NAP1L4: variants seen among roughly 807,000 people sequenced by gnomAD.
The protein encoded by NAP1L4 is nucleosome assembly protein 1 like 4.
NAP1L4 carries 15 observed loss-of-function variants against 58.2 expected under a neutral mutation model. The observed-to-expected ratio is 0.26, with a 90% confidence interval of 0.17 to 0.40. NAP1L4 has a LOEUF of 0.40. Ranked by LOEUF, NAP1L4 falls within the 10% of genes least tolerant of loss-of-function variation. The probability of loss-of-function intolerance (pLI) is 1.00; values close to 1 mark genes in which losing one functional copy is unlikely to be tolerated. For missense variants in NAP1L4, 384 were observed against 451.1 expected (o/e 0.85, Z 1.35); for synonymous variants, 171 against 155.6 (o/e 1.10, Z -0.74).
rs1246067357 is a variant in NAP1L4 at position 2,959,652 on chromosome 11, A to G, written c.746+118T>C. The stretch of plus-strand genomic sequence containing the variant: ...TGAAATATACATCTACCAGGCTTTT[A>G]GGCTTTTAAGCAGACTCAAGACTGT... On this transcript the variant is annotated intron_variant, in intron 9 of 15. Transcript: ENST00000380542. The surrounding 1 kb of genome is among the most constrained non-coding windows in gnomAD (Gnocchi z 4.9). The G allele has an allele frequency of 1.7e-6, 2 of 1,202,426 alleles. No homozygotes were observed. The highest frequency in any genetic ancestry group is 4.9e-5 in the East Asian group (2 of 41,068). 74.5% of individuals were successfully genotyped at this position (1,202,426 alleles called of 1,614,324 possible). A position where few individuals can be genotyped will look rare whatever the true frequency, so the allele number is the denominator to read the frequency against.
chr11:2,952,027 T>C (rs998995985), intron 12 of NAP1L4: 22 of 615,706 alleles, frequency 3.6e-5, no homozygotes, highest in Admixed American at 1.1e-4. Flanking sequence ...AAACAAGGAA[T>C]AGGATAGGAA....
At chr11:2,965,276 G>A (rs1443870158) in intron 7 of NAP1L4, among the ~76,000 whole-genome samples, 3 of 152,212 alleles carry the variant, frequency 2.0e-5, no homozygotes, top group Non-Finnish European at 2.9e-5. Context: ...TAGGCAATTC[G>A]GCGTGTGTTC....
Position 2,951,845 on chromosome 11 carries a change from A to T in NAP1L4, c.1036-36T>A. On this transcript the variant is annotated intron_variant, in intron 12 of 15. Transcript: ENST00000380542. This position sits in a 1 kb window ranked among gnomAD's most constrained non-coding sequence, Gnocchi z 4.0. ...ACAGAAAAACATTTTTAGGTTTACA[A>T]AACATGACAGCAGCCTGCCCAAGAC... The T allele has an allele frequency of 6.2e-7, 1 of 1,607,034 alleles. No individual in the cohort carries two copies.
chr11:2,953,292 C>CTTT (rs1846341420), intron 12 of NAP1L4, among the ~76,000 whole-genome samples: 1 of 152,266 alleles, frequency 6.6e-6, no homozygotes, highest in Non-Finnish European at 1.5e-5. Context: ...CATGCATATT[C>CTTT]AAGTCCTTTA....
At chr11:2,981,499 A>G (rs1475152202) in intron 1 of NAP1L4, among the ~76,000 whole-genome samples, 1 of 151,066 alleles carries the variant, frequency 6.6e-6, no homozygotes, top group African/African-American at 2.4e-5. Flanking sequence ...CACAGCAGCA[A>G]CCCAAACCCA....
chr11:2,980,742 T>C (rs1208161928), intron 1 of NAP1L4, among the ~76,000 whole-genome samples: 3 of 152,142 alleles, frequency 2.0e-5, no homozygotes, highest in Admixed American at 6.6e-5. Context: ...AAAAAACCCC[T>C]CTATATTTAA....
intron 7 of NAP1L4, among the ~76,000 whole-genome samples, chr11:2,966,989 C>A (rs931498069): frequency 6.6e-6 from 1 of 152,222 alleles, no homozygotes; most frequent in Non-Finnish European, 1.5e-5. Flanking sequence ...CTGGAGGCAT[C>A]GCACTCAGAT....
intron 1 of NAP1L4, among the ~76,000 whole-genome samples, chr11:2,985,815 G>C (rs1848583310): frequency 6.6e-6 from 1 of 152,152 alleles, no homozygotes; most frequent in South Asian, 2.1e-4. Flanking sequence ...CTTTAACTGT[G>C]TCTACAATTC....
intron 10 of NAP1L4, among the ~76,000 whole-genome samples, chr11:2,957,028 GTTAATT>G (rs1564975778): frequency 6.6e-6 from 1 of 151,668 alleles, no homozygotes; most frequent in Non-Finnish European, 1.5e-5. Context: ...CTTTCAGTAC[GTTAATT>G]TTAGAGTTGT....
At chr11:2,988,331 C>T (rs924849101) in intron 1 of NAP1L4, among the ~76,000 whole-genome samples, 1 of 152,214 alleles carries the variant, frequency 6.6e-6, no homozygotes, top group Non-Finnish European at 1.5e-5. Flanking sequence ...CAATAAGGCA[C>T]TTCCCTCTCT....
At position 2,945,559 on chromosome 11, in the gene NAP1L4, C is replaced by G; in HGVS notation, c.*120G>C. The G allele has an allele frequency of 6.6e-7, 1 of 1,515,334 alleles. No individual in the cohort carries two copies. Among genetic ancestry groups the G allele is most frequent in the Non-Finnish European group, 8.9e-7 (1 of 1,129,400 alleles). The allele number at this position is 1,515,334 out of a possible 1,614,324, so 93.9% of individuals were successfully genotyped here. On this transcript the variant is annotated 3_prime_UTR_variant, in exon 16 of 16. Transcript: ENST00000380542. Reference sequence around the variant, plus strand: ...GCGGCAAGGACCGAGGCCCCGCCCACAGGCCTGGAGTCCCGACAGCCGGTC... The same window carrying G: ...GCGGCAAGGACCGAGGCCCCGCCCAGAGGCCTGGAGTCCCGACAGCCGGTC...
At chr11:2,975,652 T>G (rs1847911443) in intron 4 of NAP1L4, among the ~76,000 whole-genome samples, 1 of 152,094 alleles carries the variant, frequency 6.6e-6, no homozygotes, top group South Asian at 2.1e-4. Context: ...CCAGTTTTTT[T>G]TTTTTAAGGT....
intron 1 of NAP1L4, among the ~76,000 whole-genome samples, chr11:2,986,922 C>T (rs1386446294): frequency 2.7e-5 from 4 of 150,582 alleles, no homozygotes; most frequent in Non-Finnish European, 4.4e-5. Flanking sequence ...AGCCACCGCA[C>T]TCTAAGATAA....
intron 7 of NAP1L4, among the ~76,000 whole-genome samples, chr11:2,965,933 T>C (rs911247036): frequency 6.6e-6 from 1 of 152,198 alleles, no homozygotes; most frequent in African/African-American, 2.4e-5. Flanking sequence ...ACAATTCTTA[T>C]CTGTGTCTGT....
At position 2,951,502 on chromosome 11, in the gene NAP1L4, G is replaced by C. The variant is rs564917267; in HGVS notation, c.1066-187C>G. On this transcript the variant is annotated intron_variant, in intron 13 of 15. Coordinates refer to ENST00000380542, the MANE Select transcript of NAP1L4 (RefSeq NM_005969.4). This position sits in a 1 kb window ranked among gnomAD's most constrained non-coding sequence, Gnocchi z 4.0. ...AGGTATCTTTTTGTTCTCACAGAGA[G>C]CCCTGAAAGAAACAAAATTCTGAAA... 6.6e-6 allele frequency among the ~76,000 whole-genome samples: 1 copy of C among 152,262 alleles called. No individual in the cohort carries two copies. Among genetic ancestry groups the C allele is most frequent in the African/African-American group, 2.4e-5 (1 of 41,550 alleles).
intron 4 of NAP1L4, among the ~76,000 whole-genome samples, chr11:2,973,787 G>T (rs1178292099): frequency 1.3e-5 from 2 of 152,112 alleles, no homozygotes; most frequent in African/African-American, 2.4e-5. Flanking sequence ...TTCATTTATT[G>T]TGACAGGATC....
chr11:2,989,129 C>T (rs1235915969), intron 1 of NAP1L4: 2 of 152,170 alleles, frequency 1.3e-5, no homozygotes, highest in Non-Finnish European at 1.5e-5. Context: ...ATTTGCTTAC[C>T]TCAGGAGGTC....
chr11:2,974,396 C>G (rs1847830881), intron 4 of NAP1L4, among the ~76,000 whole-genome samples: 1 of 152,190 alleles, frequency 6.6e-6, no homozygotes. Context: ...TGATCCCACT[C>G]AAGCAGTTCC....
rs1275735734 is a variant in NAP1L4, at chr11:2,958,572, C to T, written c.747-28G>A. The T allele has an allele frequency of 1.9e-6, 3 of 1,598,518 alleles. No homozygotes were observed. The Admixed American group carries it at 5.3e-5, about 28-fold the overall frequency. On this transcript the variant is annotated intron_variant, in intron 9 of 15. Coordinates refer to ENST00000380542, the MANE Select transcript of NAP1L4 (RefSeq NM_005969.4). ...ACCAGGACAAGACAGCTGTCAGGAA[C>T]ACACAATCCATGAGAAAAATCCATT...
Sources: allele counts gnomAD v4.1 joint callset (sites outside exome capture counted in the v4.1 genomes callset), GRCh38; gene constraint gnomAD v4.1.1; non-coding constraint Gnocchi (gnomAD v3.1); transcripts MANE v1.5; gene names NCBI Gene and HGNC (gene_info 2026-07-23, HGNC 2026-07-21).